The following SLC12A5 variants were observed in gnomAD, a reference collection of about 807,000 sequenced individuals.
The protein encoded by SLC12A5 is K-Cl cotransporter 2.
Under a neutral mutation model 124.0 loss-of-function variants are expected in SLC12A5, and 18 were observed. The observed-to-expected ratio is 0.15, with a 90% CI of 0.10 to 0.22. The LOEUF (loss-of-function observed/expected upper bound fraction) is 0.22. SLC12A5 is among the 10% of genes least tolerant of loss of function. The pLI is 1.00. For missense variants in SLC12A5, 867 were observed against 1,478.7 expected (o/e 0.59, Z 6.78); for synonymous variants, 589 against 568.0 (o/e 1.04, Z -0.53).
At chr20:46,021,734 C>CT (rs200050202), upstream of SLC12A5, 1,285 of 1,533,020 alleles carry the variant, frequency 8.4e-4, 11 homozygotes, top group African/African-American at 0.016. Context: ...GATCCCGGAC[C>CT]TTGCCGCGGC....
chr20:46,027,473 A>G (rs6073991), upstream of SLC12A5, among the ~76,000 whole-genome samples: 26,982 of 152,164 alleles, frequency 0.18, 2,745 homozygotes, highest in East Asian at 0.39. Context: ...GTCCTGTCCT[A>G]TACCCCGGTC....
chr20:46,025,340 C>G (rs2084388266), upstream of SLC12A5, among the ~76,000 whole-genome samples: 2 of 152,138 alleles, frequency 1.3e-5, no homozygotes, highest in Admixed American at 1.3e-4. Flanking sequence ...ATCTCATCCC[C>G]AAGCCAGAAC....
At position 46,058,823 on chromosome 20, in the gene SLC12A5, TC is replaced by T. The variant is rs2084722743; in HGVS notation, c.*1219del. ...CCGTGATGTTCCTCCCCCGTCCCCA[TC>T]TGGCAGCTCCTGTCTCGCCTGAGGG... On this transcript the variant is annotated 3_prime_UTR_variant, in exon 26 of 26. Transcript: ENST00000243964. This position sits in a 1 kb window ranked among gnomAD's most constrained non-coding sequence, Gnocchi z 5.8. 1 of 397,774 alleles carries T rather than the reference TC, an allele frequency of 2.5e-6. No homozygotes were observed. The highest frequency in any genetic ancestry group is 4.4e-6 in the Non-Finnish European group (1 of 226,136). The allele number at this position is 397,774 out of a possible 1,614,324, so 24.6% of individuals were successfully genotyped here. A position where few individuals can be genotyped will look rare whatever the true frequency, so the allele number is the denominator to read the frequency against.
At chr20:46,029,583 A>ATG (rs2084427555) in intron 1 of SLC12A5, among the ~76,000 whole-genome samples, 187 bp downstream of exon 1, 1 of 152,008 alleles carries the variant, frequency 6.6e-6, no homozygotes, top group South Asian at 2.1e-4. Context: ...AGGTGCTGGA[A>ATG]TGCGCCGCGC....
Position 46,040,582 on chromosome 20 carries a change from C to A in SLC12A5, c.822C>A (p.Val274=). ...CCATCCTGGCCATCTATGCTGGGGTCATCAAGTCTGCCTTCGACCCACCCA... is the reference window on the plus strand; with the variant it reads ...CCATCCTGGCCATCTATGCTGGGGTAATCAAGTCTGCCTTCGACCCACCCA... ...ILSILAIYAG[V]IKSAFDPPNF... Residue 274 remains valine, a synonymous_variant, in exon 7 of 26, where the codon GTC becomes GTA. Coordinates refer to ENST00000243964, the MANE Select transcript of SLC12A5 (RefSeq NM_020708.5). The A allele has an allele frequency of 6.2e-7, 1 of 1,614,160 alleles. No individual in the cohort carries two copies. The highest frequency in any genetic ancestry group is 8.5e-7 in the Non-Finnish European group (1 of 1,180,030).
At chr20:46,023,139 G>A (rs2084370423) in intron 2 of SLC12A5, 3 of 398,196 alleles carry the variant, frequency 7.5e-6, no homozygotes, top group Non-Finnish European at 1.3e-5. Flanking sequence ...GTTATCTGGC[G>A]GACCTCCTCA....
At chr20:46,043,756 C>A in intron 10 of SLC12A5, 25 bp downstream of exon 10, 1 of 1,613,458 alleles carries the variant, frequency 6.2e-7, no homozygotes, top group South Asian at 1.1e-5. Flanking sequence ...TGTGCTGGGA[C>A]CACCCTCGGG....
At chr20:46,055,954 G>A (rs2084686618) in intron 21 of SLC12A5, 196 bp from the exon 22 acceptor site, 3 of 685,820 alleles carry the variant, frequency 4.4e-6, no homozygotes, top group Non-Finnish European at 7.2e-6. Flanking sequence ...GATGAGGTCT[G>A]GGGTTCTGGA....
chr20:46,028,466 G>A (rs567665180), upstream of SLC12A5, among the ~76,000 whole-genome samples: 104 of 152,216 alleles, frequency 6.8e-4, 1 homozygote, highest in Admixed American at 2.6e-3. Context: ...GACTTGTCTT[G>A]GGGGTGGGAC....
chr20:46,047,545 C>A lies in SLC12A5; in HGVS notation c.1879C>A (p.Leu627Ile), dbSNP rs750211714. The A allele has an allele frequency of 6.2e-7, 1 of 1,613,894 alleles. No homozygotes were observed. The highest frequency in any genetic ancestry group is 1.1e-5 in the South Asian group (1 of 91,074). ...ACTGGTAGCCATGCTCATTGCTGGA[C>A]TCATCTACAAGTACATTGAGTACCG... is the stretch of plus-strand genomic sequence containing the variant. ...YALVAMLIAG[L>I]IYKYIEYRGA... Residue 627 changes from leucine (L) to isoleucine (I), a missense_variant, in exon 15 of 26, where the codon CTC becomes ATC. By Grantham distance (5) the Leu-to-Ile change is conservative. Coordinates refer to ENST00000243964, the MANE Select transcript of SLC12A5 (RefSeq NM_020708.5).
At chr20:46,036,554 T>G in intron 4 of SLC12A5, 187 bp from the exon 5 acceptor site, 4 of 519,564 alleles carry the variant, frequency 7.7e-6, no homozygotes, top group Non-Finnish European at 7.0e-6. Context: ...TCCGTTCGCA[T>G]GGTGAATAAG....
chr20:46,046,945 C>T (rs77200864), intron 14 of SLC12A5, among the ~76,000 whole-genome samples: 4,304 of 152,306 alleles, frequency 0.028, 158 homozygotes, highest in Admixed American at 0.11. Flanking sequence ...CACAATAGGC[C>T]CTCGGGGGCA....
chr20:46,023,570 C>T, exon 3 of SLC12A5: 1 of 398,066 alleles, frequency 2.5e-6, no homozygotes, highest in Non-Finnish European at 4.4e-6. Flanking sequence ...AAAATAAAGG[C>T]CAAAGCCTTA....
Position 46,058,644 on chromosome 20 carries a change from G to A in SLC12A5, c.*1039G>A, listed in dbSNP as rs2145511297. 5.0e-6 allele frequency: 2 copies of A among 399,028 alleles called. No individual in the cohort carries two copies. The highest frequency in any genetic ancestry group is 8.8e-6 in the Non-Finnish European group (2 of 226,080). 24.7% of individuals were successfully genotyped at this position (399,028 alleles called of 1,614,324 possible). ...GGCGTCTCTCCTCAGTCGGCTTGTC[G>A]CCTGCTCCCCGTATCCCATGGCTCC... On this transcript the variant is annotated 3_prime_UTR_variant, in exon 26 of 26. Coordinates refer to ENST00000243964, the MANE Select transcript of SLC12A5 (RefSeq NM_020708.5). The surrounding 1 kb of genome is among the most constrained non-coding windows in gnomAD (Gnocchi z 5.8).
At position 46,057,212 on chromosome 20, in the gene SLC12A5, G is replaced by C; in HGVS notation, c.3168G>C (p.Leu1056=). The change falls in exon 25 of 26, where the codon CTG becomes CTC. Residue 1056 remains leucine, a synonymous_variant. Coordinates refer to ENST00000243964, the MANE Select transcript of SLC12A5 (RefSeq NM_020708.5). The surrounding 1 kb of genome is among the most constrained non-coding windows in gnomAD (Gnocchi z 7.1). ...GGCGCATGCACACGGCCGTGCGGCT[G>C]AACGAGGTCATCGTGAAGAAATCCC... ...NVRRMHTAVR[L]NEVIVKKSRD... is the part of the protein sequence containing the mutation. 1 of 1,614,234 alleles carries C rather than the reference G, an allele frequency of 6.2e-7. No homozygotes were observed. Among genetic ancestry groups the C allele is most frequent in the Non-Finnish European group, 8.5e-7 (1 of 1,180,054 alleles).
chr20:46,030,335 T>G (rs1324180126), intron 1 of SLC12A5, among the ~76,000 whole-genome samples: 1 of 152,138 alleles, frequency 6.6e-6, no homozygotes, highest in Non-Finnish European at 1.5e-5. Flanking sequence ...CGCGCTGCGG[T>G]GGGTGCGGAG....
intron 1 of SLC12A5, among the ~76,000 whole-genome samples, chr20:46,032,405 A>G (rs2084462075): frequency 6.6e-6 from 1 of 152,234 alleles, no homozygotes; most frequent in Admixed American, 6.5e-5. Flanking sequence ...ACCCAGCTCC[A>G]TAGGAGACAG....
chr20:46,057,958 T>G lies in SLC12A5; in HGVS notation c.*353T>G. On this transcript the variant is annotated 3_prime_UTR_variant, in exon 26 of 26. Transcript: ENST00000243964. The surrounding 1 kb of genome is among the most constrained non-coding windows in gnomAD (Gnocchi z 7.1). ...ACCCCCAGGTAGTCCATGCGGCCCA[T>G]TCCTCCCCTTCCCACTCCCGCCGCG... is the stretch of plus-strand genomic sequence containing the variant. 1.3e-4 allele frequency: 26 copies of G among 192,906 alleles called. No individual in the cohort carries two copies. Among genetic ancestry groups the G allele is most frequent in the East Asian group, 2.5e-4 (2 of 8,062 alleles). 11.9% of individuals were successfully genotyped at this position (192,906 alleles called of 1,614,324 possible).
chr20:46,046,228 G>T, intron 13 of SLC12A5, 110 bp from the exon 14 acceptor site: 1 of 1,018,814 alleles, frequency 9.8e-7, no homozygotes, highest in Non-Finnish European at 1.5e-6. Flanking sequence ...GCATGATCTG[G>T]CCACCTCCTG....
Sources: gnomAD v4.1 joint callset for allele counts (sites outside exome capture counted in the v4.1 genomes callset) on GRCh38, gnomAD v4.1.1 for gene constraint, Gnocchi (gnomAD v3.1) non-coding constraint, MANE v1.5 for transcripts, NCBI Gene and HGNC (gene_info 2026-07-23, HGNC 2026-07-21) for gene names.